ATG16L1: variants seen among roughly 807,000 people sequenced by gnomAD.
The protein encoded by ATG16L1 is autophagy-related protein 16-1.
ATG16L1 carries 37 observed loss-of-function variants against 88.5 expected under a neutral mutation model. The ratio of observed to expected loss-of-function variants is 0.42; its 90% CI spans 0.32 to 0.55. The LOEUF (loss-of-function observed/expected upper bound fraction) is 0.55, where lower values mean the gene tolerates loss of function less well. Among genes scored for constraint, ATG16L1 ranks in the 20% least tolerant of loss-of-function variants. The pLI, the probability that ATG16L1 is intolerant of heterozygous loss-of-function variation, is 0.13. For synonymous variants in ATG16L1, 301 were observed against 281.0 expected (o/e 1.07, Z -0.71); for missense variants, 554 against 752.8 (o/e 0.74, Z 3.09).
At chr2:233,294,221 C>G (rs772313728) in intron 17 of ATG16L1, 36 bp from the exon 18 acceptor site, 1 of 1,509,242 alleles carries the variant, frequency 6.6e-7, no homozygotes, top group Admixed American at 2.0e-5. Context: ...CCCAAATGTT[C>G]TGAAACTTGG....
chr2:233,265,113 G>A lies in ATG16L1; in HGVS notation c.611G>A (p.Arg204Gln), dbSNP rs1281401026. 2.5e-6 allele frequency: 4 copies of A among 1,614,162 alleles called. No homozygotes were observed. Among genetic ancestry groups the A allele is most frequent in the East Asian group, 2.2e-5 (1 of 44,888 alleles). Residue 204 changes from arginine (R) to glutamine (Q), a missense_variant, in exon 5 of 18, where the codon CGG becomes CAG. By Grantham distance (43) the Arg-to-Gln change is conservative. Coordinates refer to ENST00000392017, the MANE Select transcript of ATG16L1 (RefSeq NM_030803.7). ...WMAEKAQEAN[R>Q]LNAENEKDSR... ...GCTGAGAAAGCCCAGGAAGCCAATC[G>A]GCTTAATGCAGAGAATGAAAAAGAC...
intron 13 of ATG16L1, 67 bp from the exon 14 acceptor site, chr2:233,290,181 T>TGGCA (rs1265418078): frequency 1.3e-6 from 2 of 1,548,854 alleles, no homozygotes; most frequent in African/African-American, 2.7e-5. Flanking sequence ...GGTTAGAGGG[T>TGGCA]GGCAGCATTA....
At chr2:233,285,821 G>T (rs530784857) in intron 12 of ATG16L1, among the ~76,000 whole-genome samples, 4 of 152,122 alleles carry the variant, frequency 2.6e-5, no homozygotes, top group Admixed American at 6.5e-5. Context: ...TGCCCTGTTC[G>T]GTGTCTCCTT....
At chr2:233,276,030 GA>G in intron 9 of ATG16L1, 1 of 503,580 alleles carries the variant, frequency 2.0e-6, no homozygotes, top group South Asian at 1.4e-5. Flanking sequence ...CCATAAAAAA[GA>G]AAAGGAAATT....
At chr2:233,274,822 G>A (rs2241879) in intron 9 of ATG16L1, 44 bp downstream of exon 9, 698,798 of 1,433,360 alleles carry the variant, frequency 0.49, 175,758 homozygotes, top group Middle Eastern at 0.53. Context: ...TTGATATGGT[G>A]ACAGAGCCTG....
Position 233,286,643 on chromosome 2 carries a change from T to TTTTTTTTTTTTTTTG in ATG16L1, c.1204-3211_1204-3210insTTTTTTTTTTTTTTG, listed in dbSNP as rs1553608374. ...AAACTTTTTTTTTTTTTTTTTTTTT[T>TTTTTTTTTTTTTTTG]GAGACAGTGTCTCGCTCAGTCACCC... On this transcript the variant is annotated intron_variant, in intron 12 of 17. Coordinates refer to ENST00000392017, the MANE Select transcript of ATG16L1 (RefSeq NM_030803.7). 1.9e-3 allele frequency among the ~76,000 whole-genome samples: 270 copies of TTTTTTTTTTTTTTTG among 138,810 alleles called. 7 individuals are homozygous for TTTTTTTTTTTTTTTG. The highest frequency in any genetic ancestry group is 3.3e-3 in the African/African-American group (119 of 35,766). The allele number at this position is 138,810 out of a possible 152,430, so 91.1% of individuals were successfully genotyped here.
chr2:233,263,048 C>A, intron 2 of ATG16L1, 82 bp from the exon 3 acceptor site: 3 of 1,175,466 alleles, frequency 2.6e-6, no homozygotes, highest in African/African-American at 3.0e-5. Flanking sequence ...GGTTTCATTG[C>A]CTAATTGGAA....
At position 233,289,358 on chromosome 2, in the gene ATG16L1, G is replaced by C. The variant is rs143590705; in HGVS notation, c.1204-496G>C. Among the ~76,000 whole-genome samples the C allele has an allele frequency of 4.8e-5, 6 of 125,534 alleles. No individual in the cohort carries two copies. In the East Asian group the frequency reaches 1.5e-3, roughly 31 times the overall value. The allele number at this position is 125,534 out of a possible 152,430, so 82.4% of individuals were successfully genotyped here. On this transcript the variant is annotated intron_variant, in intron 12 of 17. Transcript: ENST00000392017. ...ATAAGACTCAGTGAATGAAATTGTT[G>C]CTTCTTGTCCTGTTTGGGATGTGTG... is the stretch of plus-strand genomic sequence containing the variant.
chr2:233,289,895 G>C lies in ATG16L1; in HGVS notation c.1245G>C (p.Lys415Asn), dbSNP rs200219487. The change falls in exon 13 of 18, where the codon AAG (lysine) becomes AAC (asparagine). Residue 415 changes from lysine (K) to asparagine (N), a missense_variant. Lys to Asn is a moderately conservative substitution (Grantham distance 94). This residue lies in a region of ATG16L1 where 370 missense variants were observed against 509.7 expected (regional missense o/e 0.73). Coordinates refer to ENST00000392017, the MANE Select transcript of ATG16L1 (RefSeq NM_030803.7). ...ACAGTGGGAAAGTGCTGTCTGCTAAGTTCCTGCTGGACAATGCGCGGATTG... is the reference window on the plus strand; with the variant it reads ...ACAGTGGGAAAGTGCTGTCTGCTAACTTCCTGCTGGACAATGCGCGGATTG... Reference protein sequence around the residue: ...TGHSGKVLSAKFLLDNARIVS... With the variant: ...TGHSGKVLSANFLLDNARIVS... The C allele has an allele frequency of 6.2e-7, 1 of 1,614,210 alleles. No homozygotes were observed. The highest frequency in any genetic ancestry group is 1.3e-5 in the African/African-American group (1 of 75,058).
intron 8 of ATG16L1, chr2:233,274,107 C>G (rs150010037): frequency 1.5e-5 from 22 of 1,424,804 alleles, no homozygotes; most frequent in South Asian, 6.2e-5. Flanking sequence ...TGCCAATCAC[C>G]GCTTCACTGC....
chr2:233,269,179 T>C (rs1697810052), intron 5 of ATG16L1, among the ~76,000 whole-genome samples: 1 of 152,266 alleles, frequency 6.6e-6, no homozygotes, highest in Non-Finnish European at 1.5e-5. Context: ...ACTAATGTTA[T>C]GTAAACTTTG....
chr2:233,275,791 C>G (rs746763785), intron 9 of ATG16L1: 7 of 519,152 alleles, frequency 1.3e-5, no homozygotes, highest in Admixed American at 1.9e-5. Flanking sequence ...TTGCCCTCAA[C>G]TCCCAGCAGC....
At chr2:233,289,402 T>A (rs562187017) in intron 12 of ATG16L1, among the ~76,000 whole-genome samples, 11 of 134,136 alleles carry the variant, frequency 8.2e-5, no homozygotes, top group African/African-American at 3.5e-4. Context: ...TGTGTGTGTG[T>A]GTGTGTGACA....
chr2:233,267,096 C>A (rs1293477894), intron 5 of ATG16L1, among the ~76,000 whole-genome samples: 2 of 152,170 alleles, frequency 1.3e-5, no homozygotes, highest in East Asian at 3.8e-4. Context: ...ACACTGTAAT[C>A]CTAGCACTTT....
chr2:233,274,881 T>G (rs1698242317), intron 9 of ATG16L1, 103 bp downstream of exon 9: 1 of 786,974 alleles, frequency 1.3e-6, no homozygotes. Flanking sequence ...TCCATTGTTT[T>G]ACTTATATCA....
chr2:233,282,106 G>A (rs916570187), intron 11 of ATG16L1, among the ~76,000 whole-genome samples: 1 of 152,218 alleles, frequency 6.6e-6, no homozygotes, highest in Non-Finnish European at 1.5e-5. Context: ...GTAAAGCCAT[G>A]TGGAGACTTG....
rs144839404 is a variant in ATG16L1 at position 233,254,285 on chromosome 2, G to A, written c.116-1817G>A. On this transcript the variant is annotated intron_variant, in intron 1 of 17. Transcript: ENST00000392017. ...GCCTGAGGGACCAGGACAGGAGACC[G>A]GGATGAGAAGCTAACAAGAGGCAGG... 3.3e-3 allele frequency among the ~76,000 whole-genome samples: 503 copies of A among 152,320 alleles called. 4 individuals carry two copies. Among genetic ancestry groups the A allele is most frequent in the Non-Finnish European group, 3.6e-3 (246 of 68,022 alleles).
At chr2:233,266,717 C>T (rs530699312) in intron 5 of ATG16L1, among the ~76,000 whole-genome samples, 6 of 152,240 alleles carry the variant, frequency 3.9e-5, no homozygotes, top group East Asian at 1.9e-4. Context: ...AGCCAAGATA[C>T]GGATCAATCT....
chr2:233,292,361 T>C (rs1699518675), intron 15 of ATG16L1, 26 bp from the exon 16 acceptor site: 1 of 1,614,146 alleles, frequency 6.2e-7, no homozygotes, highest in Non-Finnish European at 8.5e-7. Context: ...GCTCCCTCAG[T>C]GACAGTGCCC....
Sources: gnomAD v4.1 joint callset for allele counts (sites outside exome capture counted in the v4.1 genomes callset) on GRCh38, gnomAD v4.1.1 for gene constraint, gnomAD v4.1.1 regional missense constraint, MANE v1.5 for transcripts, NCBI Gene and HGNC (gene_info 2026-07-23, HGNC 2026-07-21) for gene names.